Variants in ANKRD55 observed in about 807,000 individuals in gnomAD.
ANKRD55 encodes ankyrin repeat domain 55, also known as ankyrin repeat domain-containing protein 55.
ANKRD55 carries 41 observed loss-of-function variants against 60.6 expected under a neutral mutation model. That is an observed-to-expected ratio of 0.68 (90% CI 0.53 to 0.88). The LOEUF (loss-of-function observed/expected upper bound fraction) is 0.88, where lower values mean the gene tolerates loss of function less well. ANKRD55 is among the 40% of genes least tolerant of loss of function. The pLI is 0.00. For synonymous variants in ANKRD55, 264 were observed against 290.3 expected (o/e 0.91, Z 0.92); for missense variants, 732 against 767.6 (o/e 0.95, Z 0.55).
Position 56,116,689 on chromosome 5 carries a change from A to G in ANKRD55, c.891T>C (p.Asn297=), listed in dbSNP as rs950203525. Residue 297 remains asparagine, a synonymous_variant, in exon 9 of 12, where the codon AAT becomes AAC. Transcript: ENST00000341048. ...LGMDSNLRDI[N]ESTPLAYALY... Reference sequence around the variant, plus strand: ...GGGCATAGGCCAAGGGCGTGCTCTCATTGATGTCCCGCAGGTTGCTGTCCA... The same window carrying G: ...GGGCATAGGCCAAGGGCGTGCTCTCGTTGATGTCCCGCAGGTTGCTGTCCA... 5.0e-6 allele frequency: 8 copies of G among 1,613,998 alleles called. No homozygotes were observed. The African/African-American group carries it at 1.1e-4, about 22-fold the overall frequency.
At chr5:56,192,116 CCTCT>C (rs59932527) in intron 2 of ANKRD55, among the ~76,000 whole-genome samples, 37 of 150,360 alleles carry the variant, frequency 2.5e-4, no homozygotes, top group South Asian at 1.7e-3. Context: ...TCCTATTGCT[CCTCT>C]CTCTCTCTCT....
At chr5:56,229,878 G>A (rs1760207026) in intron 2 of ANKRD55, among the ~76,000 whole-genome samples, 2 of 151,624 alleles carry the variant, frequency 1.3e-5, no homozygotes, top group African/African-American at 4.9e-5. Flanking sequence ...TTAGTGGGGT[G>A]TTGTTATTAT....
intron 7 of ANKRD55, among the ~76,000 whole-genome samples, chr5:56,129,591 T>C (rs1757356617): frequency 1.3e-5 from 2 of 152,176 alleles, no homozygotes; most frequent in South Asian, 4.1e-4. Context: ...GGCAGATTGA[T>C]AAAACAACAA....
rs1414497005 is a variant in ANKRD55 at position 56,100,171 on chromosome 5, A to G, written c.*12T>C. On this transcript the variant is annotated 3_prime_UTR_variant, in exon 12 of 12. Transcript: ENST00000341048. ...CATATTCATCTACATTTCTGCAGCG[A>G]GTGGCCCACAGTTAATTTTCATCAC... 1 of 1,613,972 alleles carries G rather than the reference A, an allele frequency of 6.2e-7. No homozygotes were observed. The highest frequency in any genetic ancestry group is 1.3e-5 in the African/African-American group (1 of 74,918).
intron 7 of ANKRD55, among the ~76,000 whole-genome samples, chr5:56,129,935 A>T (rs1757366782): frequency 6.6e-6 from 1 of 152,172 alleles, no homozygotes; most frequent in South Asian, 2.1e-4. Context: ...GACATGTTAG[A>T]CTAGAATGGA....
At chr5:56,150,455 T>A (rs1580983109) in intron 6 of ANKRD55, among the ~76,000 whole-genome samples, 1 of 131,076 alleles carries the variant, frequency 7.6e-6, no homozygotes, top group Non-Finnish European at 1.7e-5. Context: ...AAAAAAAAAA[T>A]TAGTTGGGTA....
At chr5:56,190,297 G>A (rs1759063673) in intron 2 of ANKRD55, among the ~76,000 whole-genome samples, 1 of 152,118 alleles carries the variant, frequency 6.6e-6, no homozygotes, top group Admixed American at 6.6e-5. Context: ...TCTGTTGATA[G>A]TGTCCTTTGA....
rs1426008334 is a variant in ANKRD55, at chr5:56,215,236, A to G, written c.58+17620T>C. On this transcript the variant is annotated intron_variant, in intron 2 of 11. Transcript: ENST00000341048. The stretch of plus-strand genomic sequence containing the variant: ...ACCCATCTTCAGAAGCTTCCGTGAT[A>G]AAAGCCAAGCCCTGGCCTTGGCAAT... Among the ~76,000 whole-genome samples the G allele has an allele frequency of 3.3e-5, 5 of 152,342 alleles. No individual in the cohort carries two copies. The East Asian group carries it at 7.7e-4, about 24-fold the overall frequency.
chr5:56,227,824 G>A (rs1047157200), intron 2 of ANKRD55, among the ~76,000 whole-genome samples: 4 of 152,114 alleles, frequency 2.6e-5, no homozygotes, highest in African/African-American at 9.7e-5. Flanking sequence ...AGGATTATAT[G>A]AGCTAGTCTG....
intron 4 of ANKRD55, among the ~76,000 whole-genome samples, chr5:56,171,223 A>T (rs1758606219): frequency 6.6e-6 from 1 of 152,192 alleles, no homozygotes; most frequent in Non-Finnish European, 1.5e-5. Context: ...GTCTAACCTG[A>T]GCTCCACTGC....
At chr5:56,172,276 T>C (rs185620046) in intron 4 of ANKRD55, among the ~76,000 whole-genome samples, 94 of 152,326 alleles carry the variant, frequency 6.2e-4, no homozygotes, top group African/African-American at 2.0e-3. Context: ...TTTTGTAGAA[T>C]TGACCATTAA....
chr5:56,160,120 C>A (rs1208874151), intron 5 of ANKRD55, among the ~76,000 whole-genome samples: 1 of 152,216 alleles, frequency 6.6e-6, no homozygotes. Flanking sequence ...CCCACCCTCT[C>A]TTCATCTCAG....
chr5:56,224,215 G>T (rs369592839), intron 2 of ANKRD55, among the ~76,000 whole-genome samples: 1 of 152,098 alleles, frequency 6.6e-6, no homozygotes, highest in Non-Finnish European at 1.5e-5. Flanking sequence ...ATGGAAACTG[G>T]ACAACCTGCT....
At chr5:56,146,378 A>G (rs1757896517) in intron 6 of ANKRD55, among the ~76,000 whole-genome samples, 1 of 150,472 alleles carries the variant, frequency 6.6e-6, no homozygotes, top group Admixed American at 6.7e-5. Flanking sequence ...GCCACCTCCC[A>G]GGTTCAAGGG....
chr5:56,126,800 T>C (rs1757272689), intron 8 of ANKRD55, 122 bp downstream of exon 8: 24 of 1,062,074 alleles, frequency 2.3e-5, no homozygotes, highest in Non-Finnish European at 3.0e-5. Flanking sequence ...CACAAGCCCA[T>C]GTGTATTACT....
At chr5:56,103,209 T>G (rs1580931254) in intron 10 of ANKRD55, among the ~76,000 whole-genome samples, 1 of 152,194 alleles carries the variant, frequency 6.6e-6, no homozygotes, top group African/African-American at 2.4e-5. Flanking sequence ...AAAGCAGTGG[T>G]GTGTGCATGG....
rs1554040812 is a variant in ANKRD55, at chr5:56,166,158, T to TTTCTTTCCTTCCTTCCTTCCTTCCTTCC, written c.422+4535_422+4536insGGAAGGAAGGAAGGAAGGAAGGAAAGAA. Among the ~76,000 whole-genome samples, 5 of 72,436 alleles carry TTTCTTTCCTTCCTTCCTTCCTTCCTTCC rather than the reference T, an allele frequency of 6.9e-5. 1 individual carries two copies. The highest frequency in any genetic ancestry group is 2.6e-4 in the African/African-American group (4 of 15,442). The allele number at this position is 72,436 out of a possible 152,430, so 47.5% of individuals were successfully genotyped here. A position where few individuals can be genotyped will look rare whatever the true frequency, so the allele number is the denominator to read the frequency against. ...TCTTTCTTTCTTTCTTTCTTTCTTC[T>TTTCTTTCCTTCCTTCCTTCCTTCCTTCC]TTCCTTCCTTCCTTCCTTCCTTCCT... On this transcript the variant is annotated intron_variant, in intron 5 of 11. Transcript: ENST00000341048.
intron 2 of ANKRD55, among the ~76,000 whole-genome samples, chr5:56,230,156 C>T (rs1259992806): frequency 2.0e-5 from 3 of 152,040 alleles, no homozygotes; most frequent in Non-Finnish European, 4.4e-5. Context: ...AGTGCAGTGG[C>T]CTGATCTCAG....
At chr5:56,141,572 C>G (rs989493037) in intron 7 of ANKRD55, among the ~76,000 whole-genome samples, 5 of 152,150 alleles carry the variant, frequency 3.3e-5, no homozygotes, top group Non-Finnish European at 7.4e-5. Context: ...TTAGTAGAGA[C>G]AAAGAGTATG....
Sources: gnomAD v4.1 joint callset for allele counts (sites outside exome capture counted in the v4.1 genomes callset) on GRCh38, gnomAD v4.1.1 for gene constraint, MANE v1.5 for transcripts, NCBI Gene and HGNC (gene_info 2026-07-23, HGNC 2026-07-21) for gene names.